Variants in LUZP2 observed in about 807,000 individuals in gnomAD.
LUZP2 encodes leucine zipper protein 2.
A neutral mutation model predicts 51.6 loss-of-function variants in LUZP2; 52 were observed. The observed-to-expected ratio is 1.01, with a 90% CI of 0.81 to 1.27. LUZP2 has a LOEUF of 1.27. Ranked by LOEUF, LUZP2 falls within the 50% of genes most tolerant of loss-of-function variation. LUZP2 has a pLI of 0.00. For missense variants in LUZP2, 436 were observed against 395.4 expected (o/e 1.10, Z -0.87); for synonymous variants, 154 against 137.3 (o/e 1.12, Z -0.85).
At chr11:24,834,944 G>T (rs1850816432) in intron 5 of LUZP2, among the ~76,000 whole-genome samples, 1 of 151,840 alleles carries the variant, frequency 6.6e-6, no homozygotes, top group Non-Finnish European at 1.5e-5. Flanking sequence ...AGGGTTGTTT[G>T]TTTTTTTTCT....
intron 9 of LUZP2, among the ~76,000 whole-genome samples, chr11:25,010,408 G>C (rs1856947223): frequency 1.3e-5 from 2 of 151,780 alleles, no homozygotes; most frequent in South Asian, 4.2e-4. Flanking sequence ...TACGAAATTG[G>C]CCAAGGGGAT....
rs530888241 is a variant in LUZP2 at position 25,009,752 on chromosome 11, T to A, written c.765+26459T>A. 2.9e-4 allele frequency among the ~76,000 whole-genome samples: 44 copies of A among 152,324 alleles called. 1 individual carries two copies. The highest frequency in any genetic ancestry group is 8.9e-4 in the African/African-American group (37 of 41,572). ...CATTTAAGAGTCAAGTATTTAAGAA[T>A]TCATGAAAAGAAAATGAATGTTTTA... On this transcript the variant is annotated intron_variant, in intron 9 of 11. Coordinates refer to ENST00000336930, the MANE Select transcript of LUZP2 (RefSeq NM_001009909.4).
chr11:24,755,560 A>G (rs1326039595), intron 4 of LUZP2, among the ~76,000 whole-genome samples: 1 of 152,200 alleles, frequency 6.6e-6, no homozygotes, highest in African/African-American at 2.4e-5. Context: ...TCATAAACCA[A>G]AAATGAAATT....
chr11:24,957,074 T>C (rs1284792389), intron 7 of LUZP2, among the ~76,000 whole-genome samples: 1 of 152,166 alleles, frequency 6.6e-6, no homozygotes, highest in East Asian at 1.9e-4. Context: ...AGTTGTTTTA[T>C]TTGTAGGTAT....
chr11:24,949,973 T>C (rs1379777039), intron 7 of LUZP2, among the ~76,000 whole-genome samples: 1 of 149,240 alleles, frequency 6.7e-6, no homozygotes, highest in African/African-American at 2.4e-5. Context: ...CTTTTCTTTT[T>C]TTTTTTTTTT....
At chr11:24,670,109 G>T (rs1856354563) in intron 1 of LUZP2, among the ~76,000 whole-genome samples, 1 of 151,972 alleles carries the variant, frequency 6.6e-6, no homozygotes, top group Non-Finnish European at 1.5e-5. Flanking sequence ...TCTAGTTAAT[G>T]CTCCTTAGAT....
intron 1 of LUZP2, among the ~76,000 whole-genome samples, chr11:24,506,025 A>G (rs1033912533): frequency 5.3e-5 from 8 of 152,160 alleles, no homozygotes; most frequent in Non-Finnish European, 1.0e-4. Context: ...GTAAATCATA[A>G]AACAAGGACA....
chr11:24,917,518 G>A (rs1853831752), intron 7 of LUZP2, among the ~76,000 whole-genome samples: 1 of 152,108 alleles, frequency 6.6e-6, no homozygotes, highest in African/African-American at 2.4e-5. Context: ...TGTATAAGGT[G>A]TAAGGAAGGG....
intron 7 of LUZP2, among the ~76,000 whole-genome samples, chr11:24,971,418 C>T (rs1855732091): frequency 6.6e-6 from 1 of 152,054 alleles, no homozygotes; most frequent in Non-Finnish European, 1.5e-5. Context: ...TCCTGCTGTG[C>T]TGCCCAGTTC....
chr11:25,034,612 G>A (rs113102908), intron 9 of LUZP2, among the ~76,000 whole-genome samples: 14 of 152,184 alleles, frequency 9.2e-5, no homozygotes, highest in African/African-American at 3.1e-4. Flanking sequence ...GTGAAAGGTA[G>A]GGGTCCAGCT....
intron 5 of LUZP2, among the ~76,000 whole-genome samples, chr11:24,841,502 G>A (rs1270653601): frequency 6.6e-6 from 1 of 152,004 alleles, no homozygotes; most frequent in Non-Finnish European, 1.5e-5. Flanking sequence ...AGGTAAAGTG[G>A]TAGCAGGTAG....
At chr11:24,756,794 G>T (rs1859792672) in intron 4 of LUZP2, among the ~76,000 whole-genome samples, 1 of 152,134 alleles carries the variant, frequency 6.6e-6, no homozygotes, top group Non-Finnish European at 1.5e-5. Context: ...GATAGTGTCA[G>T]ATCCCACAGG....
intron 1 of LUZP2, among the ~76,000 whole-genome samples, chr11:24,583,204 C>T (rs1852935997): frequency 6.6e-6 from 1 of 151,854 alleles, no homozygotes; most frequent in African/African-American, 2.4e-5. Context: ...ATATTATGTT[C>T]GTATATATAT....
At chr11:25,012,787 G>A (rs532684576) in intron 9 of LUZP2, among the ~76,000 whole-genome samples, 17 of 152,188 alleles carry the variant, frequency 1.1e-4, no homozygotes, top group Non-Finnish European at 2.9e-5. Context: ...ATGTGAACTC[G>A]TACATCCACT....
At chr11:24,818,404 GCATGGTTCTGGAAACTTGA>G (rs951458058) in intron 5 of LUZP2, among the ~76,000 whole-genome samples, 2 of 151,924 alleles carry the variant, frequency 1.3e-5, no homozygotes, top group Admixed American at 6.6e-5. Flanking sequence ...TTAGAAATTG[GCATGGTTCTGGAAACTTGA>G]CATGTCACTT....
At chr11:24,661,225 A>G (rs750240574) in intron 1 of LUZP2, among the ~76,000 whole-genome samples, 1 of 152,074 alleles carries the variant, frequency 6.6e-6, no homozygotes, top group Admixed American at 6.6e-5. Flanking sequence ...ATTTCTTCAG[A>G]AGTGTTCTTT....
chr11:24,857,319 AC>A (rs1324859310), intron 5 of LUZP2, among the ~76,000 whole-genome samples: 14 of 116,242 alleles, frequency 1.2e-4, no homozygotes, highest in Non-Finnish European at 1.8e-4. Context: ...ATATACACAC[AC>A]ACACACACAC....
chr11:24,688,592 C>CT (rs1856968765), intron 1 of LUZP2, among the ~76,000 whole-genome samples: 1 of 152,070 alleles, frequency 6.6e-6, no homozygotes, highest in Non-Finnish European at 1.5e-5. Flanking sequence ...TTTTTATTCA[C>CT]TTTTTGATGG....
rs994304091 is a variant in LUZP2, at chr11:24,626,660, T to C, written c.63-102509T>C. Among the ~76,000 whole-genome samples the C allele has an allele frequency of 2.0e-5, 3 of 152,170 alleles. 1 individual carries two copies. Among genetic ancestry groups the C allele is most frequent in the African/African-American group, 7.2e-5 (3 of 41,440 alleles). On this transcript the variant is annotated intron_variant, in intron 1 of 11. Transcript: ENST00000336930. ...CTAACTGTTACTGAACTTCAGCCAA[T>C]TGTTTGTAAGGAAAATACTATTGTG... is the stretch of plus-strand genomic sequence containing the variant.
Sources: gnomAD v4.1 joint callset for allele counts (sites outside exome capture counted in the v4.1 genomes callset) on GRCh38, gnomAD v4.1.1 for gene constraint, MANE v1.5 for transcripts, NCBI Gene and HGNC (gene_info 2026-07-23, HGNC 2026-07-21) for gene names.